GALNT13: variants seen among roughly 807,000 people sequenced by gnomAD.
GALNT13 encodes the protein UDP-GalNAc:polypeptide N-acetylgalactosaminyltransferase 13.
A neutral mutation model predicts 64.2 loss-of-function variants in GALNT13; 28 were observed. The ratio of observed to expected loss-of-function variants is 0.44; its 90% CI spans 0.32 to 0.60. The LOEUF is 0.60. GALNT13 is among the 20% of genes least tolerant of loss of function. The pLI is 0.05. For synonymous variants in GALNT13, 214 were observed against 224.6 expected, an observed-to-expected ratio of 0.95 and a Z score of 0.42; for missense variants, 577 against 669.8, an observed-to-expected ratio of 0.86 and a Z score of 1.53.
At chr2:153,515,010 T>A in the GALNT13 span, among the ~76,000 whole-genome samples, 1 of 151,844 alleles carries the variant, frequency 6.6e-6, no homozygotes, top group Non-Finnish European at 1.5e-5. Flanking sequence ...CCCCTAAGGG[T>A]TTTTAAGTGT....
At chr2:153,854,044 A>G in the GALNT13 span, among the ~76,000 whole-genome samples, 1 of 151,806 alleles carries the variant, frequency 6.6e-6, no homozygotes, top group African/African-American at 2.4e-5. Flanking sequence ...TGTGAAGTCC[A>G]TAGTATGTTA....
the GALNT13 span, among the ~76,000 whole-genome samples, chr2:153,585,037 A>G: frequency 2.6e-5 from 4 of 152,210 alleles, no homozygotes; most frequent in African/African-American, 9.6e-5. Context: ...ACACCCTCAA[A>G]TGAACACAAT....
At chr2:153,717,709 C>A in the GALNT13 span, among the ~76,000 whole-genome samples, 1 of 152,244 alleles carries the variant, frequency 6.6e-6, no homozygotes, top group South Asian at 2.1e-4. Context: ...TTTAATATTT[C>A]ATTAACATGC....
chr2:154,093,094 A>G (rs1470787971), intron 3 of GALNT13, among the ~76,000 whole-genome samples: 1 of 152,082 alleles, frequency 6.6e-6, no homozygotes, highest in East Asian at 1.9e-4. Flanking sequence ...AAAATAATGT[A>G]GCCCTACTTA....
At chr2:154,266,276 C>T (rs949820640) in intron 8 of GALNT13, among the ~76,000 whole-genome samples, 42 of 152,182 alleles carry the variant, frequency 2.8e-4, no homozygotes, top group Non-Finnish European at 4.4e-5. Flanking sequence ...TTAGGCACAG[C>T]AACAAGGTCG....
the GALNT13 span, among the ~76,000 whole-genome samples, chr2:153,713,969 A>C: frequency 1.3e-5 from 2 of 152,068 alleles, no homozygotes; most frequent in Non-Finnish European, 2.9e-5. Context: ...GAGTGACCCC[A>C]CTTTCTCTAG....
intron 2 of GALNT13, among the ~76,000 whole-genome samples, chr2:153,921,447 G>C (rs555150487): frequency 2.7e-4 from 41 of 152,200 alleles, no homozygotes; most frequent in African/African-American, 8.7e-4. Flanking sequence ...GGAACAACAG[G>C]CACCAAGGCC....
At chr2:153,144,439 T>C in the GALNT13 span, among the ~76,000 whole-genome samples, 1 of 151,942 alleles carries the variant, frequency 6.6e-6, no homozygotes, top group Non-Finnish European at 1.5e-5. Flanking sequence ...TAAGTCTTCT[T>C]GGGCTCTAAA....
chr2:153,246,792 T>C, the GALNT13 span, among the ~76,000 whole-genome samples: 1 of 152,198 alleles, frequency 6.6e-6, no homozygotes, highest in Non-Finnish European at 1.5e-5. Flanking sequence ...AATTCATACA[T>C]AACAATGTTA....
intron 3 of GALNT13, among the ~76,000 whole-genome samples, chr2:154,004,262 G>A (rs1262182276): frequency 2.0e-5 from 3 of 151,700 alleles, no homozygotes; most frequent in Non-Finnish European, 1.5e-5. Flanking sequence ...CTGGAGTGCA[G>A]TGGTGTGATC....
chr2:153,655,334 T>C, the GALNT13 span, among the ~76,000 whole-genome samples: 1 of 152,280 alleles, frequency 6.6e-6, no homozygotes, highest in South Asian at 2.1e-4. Context: ...TGATGACTTT[T>C]AACTAAAACG....
At chr2:153,986,126 C>T (rs1445198134) in intron 3 of GALNT13, among the ~76,000 whole-genome samples, 1 of 151,974 alleles carries the variant, frequency 6.6e-6, no homozygotes, top group Non-Finnish European at 1.5e-5. Flanking sequence ...TGTGACTTTG[C>T]CTCCTTTTCA....
chr2:154,003,126 A>T (rs1696024185), intron 3 of GALNT13, among the ~76,000 whole-genome samples: 1 of 152,032 alleles, frequency 6.6e-6, no homozygotes, highest in Non-Finnish European at 1.5e-5. Flanking sequence ...ATGGCTTCCC[A>T]ACTGATAGGA....
upstream of GALNT13, among the ~76,000 whole-genome samples, chr2:153,871,409 G>A (rs572226176): frequency 8.1e-4 from 123 of 152,286 alleles, no homozygotes; most frequent in Non-Finnish European, 1.2e-3. Flanking sequence ...TTTCTGCGGA[G>A]GGCGCCGAAG....
At chr2:153,864,047 C>T in the GALNT13 span, among the ~76,000 whole-genome samples, 2 of 152,124 alleles carry the variant, frequency 1.3e-5, no homozygotes, top group African/African-American at 4.8e-5. Flanking sequence ...CTGATTTCTG[C>T]CTGGTTACTT....
intron 7 of GALNT13, among the ~76,000 whole-genome samples, chr2:154,253,009 T>A (rs939024541): frequency 1.3e-5 from 2 of 152,210 alleles, no homozygotes; most frequent in African/African-American, 4.8e-5. Flanking sequence ...AAGCAACTTA[T>A]AATCTTGGTA....
intron 4 of GALNT13, among the ~76,000 whole-genome samples, chr2:154,181,458 C>A (rs1685954567): frequency 6.6e-6 from 1 of 151,902 alleles, no homozygotes; most frequent in East Asian, 1.9e-4. Context: ...GGTAAAATAA[C>A]AATTTTAGGT....
chr2:154,232,613 A>G (rs1173867168), intron 4 of GALNT13, among the ~76,000 whole-genome samples: 1 of 152,166 alleles, frequency 6.6e-6, no homozygotes, highest in Non-Finnish European at 1.5e-5. Flanking sequence ...CTAGTAAAAC[A>G]CTGTATCCCA....
chr2:154,112,159 C>G (rs541672854), intron 3 of GALNT13, among the ~76,000 whole-genome samples: 2 of 152,314 alleles, frequency 1.3e-5, no homozygotes, highest in East Asian at 3.9e-4. Context: ...GCTGATCACC[C>G]CAAGTAATGG....
Sources: allele counts gnomAD v4.1 joint callset (sites outside exome capture counted in the v4.1 genomes callset), GRCh38; gene constraint gnomAD v4.1.1; transcripts MANE v1.5; gene names NCBI Gene and HGNC (gene_info 2026-07-23, HGNC 2026-07-21).